The following TUSC3 variants were observed in gnomAD, a reference collection of about 807,000 sequenced individuals.
The protein encoded by TUSC3 is tumor suppressor candidate 3.
Under a neutral mutation model 44.8 loss-of-function variants are expected in TUSC3, and 45 were observed. The ratio of observed to expected loss-of-function variants is 1.00; its 90% CI spans 0.79 to 1.29. The LOEUF is 1.29. Among genes scored for constraint, TUSC3 ranks in the 50% most tolerant of loss-of-function variants. The probability of loss-of-function intolerance (pLI) is 0.00; values close to 1 mark genes in which losing one functional copy is unlikely to be tolerated. For synonymous variants in TUSC3, 212 were observed against 152.9 expected (o/e 1.39, Z -2.85); for missense variants, 519 against 437.9 (o/e 1.19, Z -1.65).
intron 6 of TUSC3, among the ~76,000 whole-genome samples, chr8:15,688,229 G>C (rs1008059835): frequency 6.6e-6 from 1 of 151,894 alleles, no homozygotes; most frequent in African/African-American, 2.4e-5. Flanking sequence ...TATACATTCA[G>C]GATTGAAAAA....
At chr8:15,435,331 A>C (rs1280016905) in intron 1 of TUSC3, among the ~76,000 whole-genome samples, 1 of 152,192 alleles carries the variant, frequency 6.6e-6, no homozygotes, top group East Asian at 1.9e-4. Context: ...GCATAAATGC[A>C]ACAAGTGGGC....
intron 1 of TUSC3, among the ~76,000 whole-genome samples, chr8:15,458,133 C>G (rs1280622902): frequency 1.3e-5 from 2 of 151,900 alleles, no homozygotes; most frequent in African/African-American, 4.8e-5. Flanking sequence ...ATGGTTATGT[C>G]TAGTGAGAGG....
chr8:15,474,570 G>A (rs889892221), intron 1 of TUSC3, among the ~76,000 whole-genome samples: 3 of 152,070 alleles, frequency 2.0e-5, no homozygotes, highest in Admixed American at 1.3e-4. Flanking sequence ...AATGGAATGG[G>A]TATAAGAAAA....
chr8:15,599,686 G>A (rs1585140204), intron 1 of TUSC3, among the ~76,000 whole-genome samples: 1 of 144,976 alleles, frequency 6.9e-6, no homozygotes, highest in African/African-American at 2.5e-5. Flanking sequence ...TCTTTGCTCC[G>A]TTATATTGCT....
intron 1 of TUSC3, among the ~76,000 whole-genome samples, chr8:15,569,000 C>G (rs902146193): frequency 5.3e-5 from 8 of 151,848 alleles, no homozygotes; most frequent in Non-Finnish European, 1.0e-4. Flanking sequence ...TAAATATTGC[C>G]AAGTAGACCT....
chr8:15,480,389 T>A (rs1046904843), intron 1 of TUSC3, among the ~76,000 whole-genome samples: 2 of 152,344 alleles, frequency 1.3e-5, no homozygotes, highest in East Asian at 3.9e-4. Context: ...ACTTGACTTT[T>A]CCTGGTTGGC....
chr8:15,559,760 GC>G (rs1358960262), intron 1 of TUSC3, among the ~76,000 whole-genome samples: 2 of 111,416 alleles, frequency 1.8e-5, no homozygotes, highest in East Asian at 5.9e-4. Context: ...TTATGTAATG[GC>G]CTTCTTTGTC....
intron 10 of TUSC3, among the ~76,000 whole-genome samples, chr8:15,762,201 TAAAG>T (rs750009974): frequency 8.6e-4 from 131 of 152,014 alleles, no homozygotes; most frequent in Middle Eastern, 3.4e-3. Flanking sequence ...CTTGAACAAA[TAAAG>T]AAATTTTTAT....
intron 2 of TUSC3, among the ~76,000 whole-genome samples, chr8:15,636,423 G>A (rs1231916789): frequency 1.3e-5 from 2 of 152,170 alleles, no homozygotes; most frequent in East Asian, 1.9e-4. Flanking sequence ...AAGCCTGGTG[G>A]ACGCTTAATA....
chr8:15,459,219 C>T (rs1800307164), intron 1 of TUSC3, among the ~76,000 whole-genome samples: 1 of 152,056 alleles, frequency 6.6e-6, no homozygotes, highest in African/African-American at 2.4e-5. Context: ...ACAAATTTTT[C>T]ACTGAATTAA....
chr8:15,503,594 C>G (rs1800999240), intron 2 of TUSC3, among the ~76,000 whole-genome samples: 1 of 152,202 alleles, frequency 6.6e-6, no homozygotes, highest in South Asian at 2.1e-4. Flanking sequence ...GCCCCAGCTA[C>G]TCACAAGGCT....
chr8:15,680,505 T>C (rs436950), intron 6 of TUSC3, among the ~76,000 whole-genome samples: 4,352 of 152,248 alleles, frequency 0.029, 177 homozygotes, highest in African/African-American at 0.097. Flanking sequence ...ATTTAGGGTT[T>C]TCTAGATACA....
At chr8:15,779,358 G>C in the TUSC3 span, among the ~76,000 whole-genome samples, 1 of 152,008 alleles carries the variant, frequency 6.6e-6, no homozygotes, top group Admixed American at 6.6e-5. Flanking sequence ...ATGAGCCACT[G>C]TGCCCAGCCC....
chr8:15,522,936 T>C (rs903313365), intron 2 of TUSC3, among the ~76,000 whole-genome samples: 1 of 152,056 alleles, frequency 6.6e-6, no homozygotes, highest in African/African-American at 2.4e-5. Context: ...AGAGGCGCAG[T>C]GGGAGTAAAA....
chr8:15,806,320 C>T, the TUSC3 span: 4 of 711,796 alleles, frequency 5.6e-6, no homozygotes, highest in Admixed American at 7.1e-5. Flanking sequence ...TCAGGGACAC[C>T]TTCCCCCTGC....
intron 1 of TUSC3, among the ~76,000 whole-genome samples, chr8:15,435,113 C>G (rs376281152): frequency 6.7e-6 from 1 of 149,022 alleles, no homozygotes; most frequent in African/African-American, 2.6e-5. Flanking sequence ...ATCGCCACAC[C>G]GACTTCCACA....
the TUSC3 span, among the ~76,000 whole-genome samples, chr8:15,778,472 AT>A: frequency 1.9e-4 from 29 of 150,038 alleles, no homozygotes; most frequent in African/African-American, 5.1e-4. Context: ...ACTATTAATG[AT>A]TTTTTTTTTA....
chr8:15,786,841 G>A, the TUSC3 span, among the ~76,000 whole-genome samples: 2 of 150,988 alleles, frequency 1.3e-5, no homozygotes, highest in East Asian at 3.9e-4. Flanking sequence ...CTACTTGGGA[G>A]GCTGAGGCAG....
rs139140444 is a variant in TUSC3, at chr8:15,694,805, G to C, written c.798+20969G>C. ...CCCTCCTGATTACTGGAGGGGGTGA[G>C]TTGTTCCCAGATTGCTGGTCACAAC... On this transcript the variant is annotated intron_variant, in intron 6 of 10. Coordinates refer to ENST00000503731, the MANE Select transcript of TUSC3 (RefSeq NM_006765.4). Among the ~76,000 whole-genome samples, 701 of 152,196 alleles carry C rather than the reference G, an allele frequency of 4.6e-3. 5 individuals carry two copies. Among genetic ancestry groups the C allele is most frequent in the Non-Finnish European group, 6.6e-3 (448 of 68,014 alleles).
Sources: gnomAD v4.1 joint callset for allele counts (sites outside exome capture counted in the v4.1 genomes callset) on GRCh38, gnomAD v4.1.1 for gene constraint, MANE v1.5 for transcripts, NCBI Gene and HGNC (gene_info 2026-07-23, HGNC 2026-07-21) for gene names.